The following RASA1 variants were observed in gnomAD, a reference collection of about 807,000 sequenced individuals.
RASA1 encodes ras GTPase-activating protein 1.
A neutral mutation model predicts 132.2 loss-of-function variants in RASA1; 25 were observed. The ratio of observed to expected loss-of-function variants is 0.19; its 90% CI spans 0.14 to 0.26. The LOEUF is 0.26. Among genes scored for constraint, RASA1 ranks in the 10% least tolerant of loss-of-function variants. RASA1 has a pLI of 1.00. For missense variants in RASA1, 964 were observed against 1,299.2 expected (o/e 0.74, Z 3.97); for synonymous variants, 477 against 449.9 (o/e 1.06, Z -0.76).
At chr5:87,272,749 C>A (rs546877987) in intron 1 of RASA1, among the ~76,000 whole-genome samples, 1 of 151,938 alleles carries the variant, frequency 6.6e-6, no homozygotes, top group Non-Finnish European at 1.5e-5. Flanking sequence ...AAGCCTACCA[C>A]GATTAATTAT....
Position 87,376,373 on chromosome 5 carries a change from T to G in RASA1, c.2012-20T>G. On this transcript the variant is annotated intron_variant, in intron 15 of 24. Transcript: ENST00000274376. The stretch of plus-strand genomic sequence containing the variant: ...TCGTGTTCTCTTTTTAAACAATAAT[T>G]GCTTGTTTTTCTTCCCAAGTATTTA... 1.2e-6 allele frequency: 2 copies of G among 1,613,444 alleles called. No individual in the cohort carries two copies. Among genetic ancestry groups the G allele is most frequent in the Non-Finnish European group, 1.7e-6 (2 of 1,179,674 alleles).
chr5:87,286,250 G>T (rs934952567), intron 1 of RASA1, among the ~76,000 whole-genome samples: 2 of 151,936 alleles, frequency 1.3e-5, no homozygotes, highest in African/African-American at 4.8e-5. Flanking sequence ...TGATCCACTC[G>T]CATTTGGCCT....
chr5:87,360,326 A>G (rs1052062027), intron 9 of RASA1, among the ~76,000 whole-genome samples: 34 of 152,052 alleles, frequency 2.2e-4, no homozygotes, highest in African/African-American at 7.5e-4. Flanking sequence ...GGGTTTCACC[A>G]TGTCGGCCAG....
intron 1 of RASA1, 35 bp from the exon 2 acceptor site, chr5:87,331,313 T>C (rs1387632260): frequency 6.4e-7 from 1 of 1,562,936 alleles, no homozygotes; most frequent in South Asian, 1.1e-5. Context: ...GCACTTGCTA[T>C]TTATATTGTA....
At chr5:87,309,011 T>C (rs1475674010) in intron 1 of RASA1, among the ~76,000 whole-genome samples, 1 of 152,142 alleles carries the variant, frequency 6.6e-6, no homozygotes, top group African/African-American at 2.4e-5. Context: ...ATGTATATTT[T>C]CACAGAGGGG....
intron 15 of RASA1, among the ~76,000 whole-genome samples, chr5:87,375,238 T>G (rs1192366092): frequency 6.6e-6 from 1 of 152,076 alleles, no homozygotes; most frequent in Non-Finnish European, 1.5e-5. Flanking sequence ...TCATCCCTTC[T>G]TTCTACTTTT....
Position 87,363,358 on chromosome 5 carries a change from A to G in RASA1, c.1464A>G (p.Lys488=), listed in dbSNP as rs1760260767. The G allele has an allele frequency of 1.2e-6, 2 of 1,609,106 alleles. No homozygotes were observed. Among genetic ancestry groups the G allele is most frequent in the African/African-American group, 2.7e-5 (2 of 74,738 alleles). ...TTTTTTTTTAAACAGGCAAAGGAAA[A>G]CGTTGGAAAAATTTATATTTTATCT... ...KGYLLKKGKG[K]RWKNLYFILE... The change falls in exon 11 of 25, where the codon AAA becomes AAG. Residue 488 remains lysine (K), a synonymous_variant. Coordinates refer to ENST00000274376, the MANE Select transcript of RASA1 (RefSeq NM_002890.3).
chr5:87,310,290 A>G (rs1461408914), intron 1 of RASA1, among the ~76,000 whole-genome samples: 1 of 152,208 alleles, frequency 6.6e-6, no homozygotes, highest in Non-Finnish European at 1.5e-5. Context: ...TGATTCATCT[A>G]AAGAAAAATT....
intron 4 of RASA1, 151 bp downstream of exon 4, chr5:87,333,488 C>G: frequency 7.8e-7 from 1 of 1,283,440 alleles, no homozygotes; most frequent in Non-Finnish European, 1.1e-6. Context: ...GGTCCTGTAT[C>G]TCTGGGTTGG....
intron 1 of RASA1, among the ~76,000 whole-genome samples, chr5:87,319,513 G>C (rs551945484): frequency 1.8e-4 from 27 of 152,330 alleles, no homozygotes. Context: ...ATCCACCAAG[G>C]CTTGTGGCTT....
intron 15 of RASA1, 81 bp from the exon 16 acceptor site, chr5:87,376,312 C>T (rs1299454737): frequency 1.3e-6 from 2 of 1,513,064 alleles, no homozygotes; most frequent in African/African-American, 1.4e-5. Flanking sequence ...ATAGGGAAGA[C>T]TGAACACCAG....
chr5:87,342,926 A>G (rs1288568046), intron 6 of RASA1, among the ~76,000 whole-genome samples: 1 of 152,176 alleles, frequency 6.6e-6, no homozygotes, highest in Non-Finnish European at 1.5e-5. Context: ...GTTTTCTCAT[A>G]GTATAAAATA....
intron 12 of RASA1, 80 bp downstream of exon 12, chr5:87,369,980 G>T: frequency 1.7e-6 from 2 of 1,184,420 alleles, no homozygotes; most frequent in Non-Finnish European, 2.5e-6. Context: ...GAAAATGATC[G>T]CATTCAAGAT....
chr5:87,332,516 T>C lies in RASA1; in HGVS notation c.702T>C (p.Ala234=). 1 of 1,606,858 alleles carries C rather than the reference T, an allele frequency of 6.2e-7. No individual in the cohort carries two copies. Reference sequence around the variant, plus strand: ...TTTCCTGTTCAAATAGGATTATTGCTATGTGTGGAGATTACTACATTGGTG... The same window carrying C: ...TTTCCTGTTCAAATAGGATTATTGCCATGTGTGGAGATTACTACATTGGTG... ...MNVVNHFRII[A]MCGDYYIGGR... The change falls in exon 3 of 25, where the codon GCT becomes GCC. Residue 234 remains alanine (A), a synonymous_variant. Transcript: ENST00000274376.
At chr5:87,291,595 G>C (rs1417790691) in intron 1 of RASA1, among the ~76,000 whole-genome samples, 1 of 152,194 alleles carries the variant, frequency 6.6e-6, no homozygotes, top group Non-Finnish European at 1.5e-5. Context: ...GACCTGGTGA[G>C]AGGGGTTTGG....
intron 9 of RASA1, among the ~76,000 whole-genome samples, chr5:87,360,391 T>G (rs1323719316): frequency 6.6e-6 from 1 of 152,204 alleles, no homozygotes; most frequent in Non-Finnish European, 1.5e-5. Context: ...CCTAAAGTAC[T>G]GGGATTAAAG....
intron 1 of RASA1, among the ~76,000 whole-genome samples, chr5:87,315,356 C>CATG (rs1756244693): frequency 6.6e-6 from 1 of 152,154 alleles, no homozygotes; most frequent in African/African-American, 2.4e-5. Flanking sequence ...AGGAGAATGC[C>CATG]AGCTCAGGTC....
Position 87,268,717 on chromosome 5 carries a change from G to T in RASA1, c.266G>T (p.Gly89Val), listed in dbSNP as rs767049793. The part of the protein sequence containing the change: ...GALGGAGLTG[G>V]GTAAGVAGAA... ...CTGGGGGGAGCTGGACTGACAGGGG[G>T]AGGTACTGCTGCTGGCGTAGCTGGT... Residue 89 changes from glycine to valine, a missense_variant, in exon 1 of 25, where the codon GGA becomes GTA. Physicochemically the swap from Gly to Val is moderately radical, Grantham distance 109. Coordinates refer to ENST00000274376, the MANE Select transcript of RASA1 (RefSeq NM_002890.3). 1 of 1,612,622 alleles carries T rather than the reference G, an allele frequency of 6.2e-7. No homozygotes were observed. The highest frequency in any genetic ancestry group is 8.5e-7 in the Non-Finnish European group (1 of 1,179,414).
intron 1 of RASA1, among the ~76,000 whole-genome samples, chr5:87,269,599 C>A (rs1005689945): frequency 5.9e-5 from 9 of 152,170 alleles, no homozygotes. Context: ...TATATTCCAA[C>A]AATGTATCTT....
Sources: allele counts gnomAD v4.1 joint callset (sites outside exome capture counted in the v4.1 genomes callset), GRCh38; gene constraint gnomAD v4.1.1; transcripts MANE v1.5; gene names NCBI Gene and HGNC (gene_info 2026-07-23, HGNC 2026-07-21).